The following CREB1 variants were observed in gnomAD, a reference collection of about 807,000 sequenced individuals.
The protein encoded by CREB1 is cyclic AMP-responsive element-binding protein 1.
A neutral mutation model predicts 42.0 loss-of-function variants in CREB1; 2 were observed. That is an observed-to-expected ratio of 0.05 (90% CI 0.02 to 0.15). The LOEUF is 0.15. CREB1 is among the 10% of genes least tolerant of loss of function. The pLI, the probability that CREB1 is intolerant of heterozygous loss-of-function variation, is 1.00. For missense variants in CREB1, 199 were observed against 388.9 expected (o/e 0.51, Z 4.11); for synonymous variants, 123 against 139.9 (o/e 0.88, Z 0.85).
chr2:207,595,761 G>A (rs553534320), intron 7 of CREB1, among the ~76,000 whole-genome samples: 30 of 152,120 alleles, frequency 2.0e-4, no homozygotes, highest in South Asian at 1.9e-3. Context: ...TAGAGACAGG[G>A]TCTTAATATA....
chr2:207,535,374 A>G (rs1431036523), intron 1 of CREB1, among the ~76,000 whole-genome samples: 1 of 152,140 alleles, frequency 6.6e-6, no homozygotes, highest in Non-Finnish European at 1.5e-5. Context: ...AAAGGTTTTT[A>G]TAGCTTTCTT....
At chr2:207,546,732 A>AAAAAAAAC (rs1553572852) in intron 1 of CREB1, among the ~76,000 whole-genome samples, 1 of 151,724 alleles carries the variant, frequency 6.6e-6, no homozygotes, top group African/African-American at 2.4e-5. Flanking sequence ...CTATATCAAA[A>AAAAAAAAC]AAAAAACAAA....
rs71036931 is a variant in CREB1 at position 207,552,042 on chromosome 2, C to CAAAA, written c.-8-3564_-8-3561dup. Among the ~76,000 whole-genome samples the CAAAA allele has an allele frequency of 4.0e-3, 280 of 69,284 alleles. 1 individual carries two copies. The highest frequency in any genetic ancestry group is 8.1e-3 in the South Asian group (11 of 1,362). The allele number at this position is 69,284 out of a possible 152,430, so 45.5% of individuals were successfully genotyped here. ...GGGCAACAAGAGCGAAACTCCGTCTCAAAAAAAAAAAAAAAAAAAAAAAAA... is the reference window on the plus strand; with the variant it reads ...GGGCAACAAGAGCGAAACTCCGTCTCAAAAAAAAAAAAAAAAAAAAAAAAAAAAA... On this transcript the variant is annotated intron_variant, in intron 1 of 7. Transcript: ENST00000353267.
At chr2:207,537,063 TTG>T (rs1344552410) in intron 1 of CREB1, among the ~76,000 whole-genome samples, 81 of 152,074 alleles carry the variant, frequency 5.3e-4, no homozygotes, top group Non-Finnish European at 1.0e-3. Flanking sequence ...TTTGTTGTTG[TTG>T]TTGTTGTTGA....
At chr2:207,537,461 A>G (rs1460882141) in intron 1 of CREB1, among the ~76,000 whole-genome samples, 2 of 152,238 alleles carry the variant, frequency 1.3e-5, no homozygotes, top group Non-Finnish European at 2.9e-5. Flanking sequence ...GATTTCCCAC[A>G]GTGTCATGGA....
At chr2:207,595,506 G>A (rs1163065110) in intron 7 of CREB1, among the ~76,000 whole-genome samples, 2 of 150,920 alleles carry the variant, frequency 1.3e-5, no homozygotes, top group Non-Finnish European at 3.0e-5. Flanking sequence ...CTGCAGCCTC[G>A]ACCTCCCGGC....
intron 4 of CREB1, 92 bp from the exon 5 acceptor site, chr2:207,570,087 T>G: frequency 2.4e-6 from 2 of 847,142 alleles, no homozygotes; most frequent in East Asian, 3.0e-5. Context: ...CACTAGCAGC[T>G]TTCTGTGAGT....
rs1350679204 is a variant in CREB1, at chr2:207,570,257, A to G, written c.441A>G (p.Ser147=). 6 of 1,613,904 alleles carry G rather than the reference A, an allele frequency of 3.7e-6. No homozygotes were observed. The highest frequency in any genetic ancestry group is 5.1e-6 in the Non-Finnish European group (6 of 1,179,798). ...IEEEKSEEET[S]APAITTVTVP... is the part of the protein sequence containing the mutation. ...AAGAGAAGTCTGAAGAGGAGACTTC[A>G]GCACCTGCCATCACCACTGTAACGG... Residue 147 remains serine (S), a synonymous_variant, in exon 5 of 8, where the codon TCA becomes TCG. Coordinates refer to ENST00000353267, the MANE Select transcript of CREB1 (RefSeq NM_004379.5).
intron 7 of CREB1, chr2:207,580,780 T>G (rs1002292388): frequency 2.7e-5 from 6 of 224,722 alleles, no homozygotes; most frequent in African/African-American, 6.7e-5. Context: ...TCACTTCTGT[T>G]ACATTTTGGC....
intron 5 of CREB1, among the ~76,000 whole-genome samples, chr2:207,572,800 C>T (rs1018680251): frequency 1.6e-4 from 24 of 149,120 alleles, no homozygotes; most frequent in Admixed American, 1.4e-3. Context: ...TGGGCAACAG[C>T]GAGACTCCAT....
intron 1 of CREB1, among the ~76,000 whole-genome samples, chr2:207,552,672 C>T (rs1257732587): frequency 6.8e-6 from 1 of 147,412 alleles, no homozygotes; most frequent in South Asian, 2.1e-4. Flanking sequence ...GTGGCGCGAT[C>T]TCGGCTTACT....
intron 7 of CREB1, among the ~76,000 whole-genome samples, chr2:207,579,453 A>G (rs2106593220): frequency 6.6e-6 from 1 of 152,316 alleles, no homozygotes; most frequent in South Asian, 2.1e-4. Context: ...GGCTGTGTGG[A>G]ACAAAATGTT....
chr2:207,603,189 C>CT lies in CREB1; in HGVS notation c.*6134dup. The CT allele has an allele frequency of 4.7e-6, 1 of 213,714 alleles. No individual in the cohort carries two copies. The highest frequency in any genetic ancestry group is 7.1e-5 in the East Asian group (1 of 14,116). 13.2% of individuals were successfully genotyped at this position (213,714 alleles called of 1,614,324 possible). ...ATTTTTTTATCTAAATCTTTTTGTG[C>CT]TTTATGTGTAAAGAAAAAAATGTAC... On this transcript the variant is annotated 3_prime_UTR_variant, in exon 8 of 8. Transcript: ENST00000353267.
At chr2:207,551,162 C>G (rs1299319358) in intron 1 of CREB1, among the ~76,000 whole-genome samples, 1 of 152,178 alleles carries the variant, frequency 6.6e-6, no homozygotes, top group Non-Finnish European at 1.5e-5. Flanking sequence ...GGAATTCTCT[C>G]ATTCTCCTGA....
intron 3 of CREB1, among the ~76,000 whole-genome samples, chr2:207,562,352 G>A (rs1010667018): frequency 6.6e-6 from 1 of 152,200 alleles, no homozygotes; most frequent in Non-Finnish European, 1.5e-5. Flanking sequence ...CACAAAATTT[G>A]CTAAGATTAC....
At chr2:207,588,737 T>G (rs1249541040) in intron 7 of CREB1, among the ~76,000 whole-genome samples, 131 of 148,528 alleles carry the variant, frequency 8.8e-4, no homozygotes, top group Middle Eastern at 3.4e-3. Flanking sequence ...GGTTTTTTTT[T>G]TTTTTGTGTG....
At chr2:207,582,903 A>T (rs2083175224) in intron 7 of CREB1, 1 of 292,492 alleles carries the variant, frequency 3.4e-6, no homozygotes, top group Non-Finnish European at 6.8e-6. Context: ...AAAAACAAAC[A>T]AACAAACAAA....
rs2106636833 is a variant in CREB1 at position 207,599,067 on chromosome 2, G to A, written c.*2009G>A. ...ATATTTTCGTTTGTAACAAACCATT[G>A]TCTTTTTTCAAGGATGAACAGAGTT... On this transcript the variant is annotated 3_prime_UTR_variant, in exon 8 of 8. Coordinates refer to ENST00000353267, the MANE Select transcript of CREB1 (RefSeq NM_004379.5). The A allele has an allele frequency of 5.3e-6, 1 of 188,782 alleles. No homozygotes were observed. Among genetic ancestry groups the A allele is most frequent in the Admixed American group, 6.2e-5 (1 of 16,186 alleles). 11.7% of individuals were successfully genotyped at this position (188,782 alleles called of 1,614,324 possible).
At chr2:207,576,781 C>T in intron 6 of CREB1, 1 of 1,039,408 alleles carries the variant, frequency 9.6e-7, no homozygotes, top group Non-Finnish European at 1.2e-6. Flanking sequence ...TTATAAAGAC[C>T]TTCAAATTTT....
Sources: allele counts gnomAD v4.1 joint callset (sites outside exome capture counted in the v4.1 genomes callset), GRCh38; gene constraint gnomAD v4.1.1; transcripts MANE v1.5; gene names NCBI Gene and HGNC (gene_info 2026-07-23, HGNC 2026-07-21).